The following HTT variants were observed in gnomAD, a reference collection of about 807,000 sequenced individuals.
HTT encodes huntingtin.
Under a neutral mutation model 362.3 loss-of-function variants are expected in HTT, and 104 were observed. The observed-to-expected ratio is 0.29, with a 90% CI of 0.24 to 0.34. HTT has a LOEUF of 0.34. Among genes scored for constraint, HTT ranks in the 10% least tolerant of loss-of-function variants. HTT has a pLI of 1.00. For missense variants in HTT, 3,301 were observed against 3,928.6 expected, an observed-to-expected ratio of 0.84 and a Z score of 4.27; for synonymous variants, 1,577 against 1,548.7, an observed-to-expected ratio of 1.02 and a Z score of -0.43.
chr4:3,118,537 G>A (rs1715139579), intron 8 of HTT, among the ~76,000 whole-genome samples: 1 of 152,196 alleles, frequency 6.6e-6, no homozygotes, highest in Non-Finnish European at 1.5e-5. Flanking sequence ...GAAAGGGTGA[G>A]ACAGTGCTCA....
intron 21 of HTT, among the ~76,000 whole-genome samples, chr4:3,140,112 T>C (rs895361013): frequency 1.3e-5 from 2 of 151,860 alleles, no homozygotes; most frequent in African/African-American, 4.8e-5. Context: ...ACTACAAAAA[T>C]TAGCCGGGCG....
chr4:3,083,547 ACACACACACACACACACACAC>A (rs1713032697), intron 1 of HTT, among the ~76,000 whole-genome samples: 1 of 129,006 alleles, frequency 7.8e-6, no homozygotes, highest in African/African-American at 3.6e-5. Flanking sequence ...ACACACACAC[ACACACACACACACACACACAC>A]ACACACACAC....
rs896129995 is a variant in HTT, at chr4:3,225,608, C to T, written c.7766-53C>T. 2.0e-6 allele frequency: 3 copies of T among 1,537,098 alleles called. No homozygotes were observed. In the East Asian group the frequency reaches 6.8e-5, roughly 35 times the overall value. ...GGAGCTGGGCTGGTATGGGGTGGGC[C>T]TGCGGCCCTGCCCCCCTGTGCAGAT... On this transcript the variant is annotated intron_variant, in intron 56 of 66. Coordinates refer to ENST00000355072, the MANE Select transcript of HTT (RefSeq NM_001388492.1).
At chr4:3,226,246 A>G (rs1025425454) in intron 57 of HTT, among the ~76,000 whole-genome samples, 1 of 152,148 alleles carries the variant, frequency 6.6e-6, no homozygotes, top group Non-Finnish European at 1.5e-5. Context: ...GTGCAGGCAG[A>G]CAGCTCGGCC....
chr4:3,173,364 C>T (rs1331012601), intron 31 of HTT: 1 of 543,034 alleles, frequency 1.8e-6, no homozygotes, highest in Non-Finnish European at 3.3e-6. Context: ...TTACACATCT[C>T]AGAGGTGGGG....
chr4:3,088,831 G>A (rs1460838354), intron 2 of HTT, among the ~76,000 whole-genome samples: 3 of 151,864 alleles, frequency 2.0e-5, no homozygotes, highest in Non-Finnish European at 2.9e-5. Flanking sequence ...TTCATTTTAG[G>A]TTAACTCATT....
chr4:3,177,286 A>G lies in HTT; in HGVS notation c.4408-46A>G, dbSNP rs771177933. The stretch of plus-strand genomic sequence containing the variant: ...GGAGGAAAAGAAGCCTGGTTTTTAC[A>G]TTTTAATCCTATTATTGATGTGAAA... On this transcript the variant is annotated intron_variant, in intron 33 of 66. Transcript: ENST00000355072. The G allele has an allele frequency of 4.5e-6, 6 of 1,330,972 alleles. No homozygotes were observed. In the African/African-American group the frequency reaches 8.8e-5, roughly 19 times the overall value. The allele number at this position is 1,330,972 out of a possible 1,614,324, so 82.4% of individuals were successfully genotyped here. A position where few individuals can be genotyped will look rare whatever the true frequency, so the allele number is the denominator to read the frequency against.
At chr4:3,128,713 C>T (rs1045647510) in intron 12 of HTT, 5 of 152,322 alleles carry the variant, frequency 3.3e-5, no homozygotes, top group African/African-American at 1.2e-4. Context: ...ATGTTTGCTA[C>T]AAGTCCATGT....
At chr4:3,101,085 G>T (rs747733559) in intron 3 of HTT, among the ~76,000 whole-genome samples, 36 of 152,312 alleles carry the variant, frequency 2.4e-4, no homozygotes, top group Middle Eastern at 3.4e-3. Flanking sequence ...TAAAAAGAGG[G>T]CTATCCCAGG....
chr4:3,138,676 C>T (rs1474086372), intron 21 of HTT, among the ~76,000 whole-genome samples: 2 of 152,080 alleles, frequency 1.3e-5, no homozygotes, highest in Non-Finnish European at 2.9e-5. Context: ...TGTGGTGGTG[C>T]GATCTCGGCT....
At chr4:3,135,789 A>T in intron 19 of HTT, 115 bp from the exon 20 acceptor site, 1 of 619,300 alleles carries the variant, frequency 1.6e-6, no homozygotes, top group Middle Eastern at 2.8e-4. Flanking sequence ...GTTTTGAGTA[A>T]GTGCTGCCCA....
chr4:3,122,120 TC>T (rs1487077445), intron 9 of HTT, among the ~76,000 whole-genome samples: 2 of 152,320 alleles, frequency 1.3e-5, no homozygotes, highest in Non-Finnish European at 1.5e-5. Flanking sequence ...AATCCGTCTG[TC>T]CCCAGCTCTG....
At chr4:3,150,160 G>A (rs1716806274) in intron 26 of HTT, among the ~76,000 whole-genome samples, 2 of 152,178 alleles carry the variant, frequency 1.3e-5, no homozygotes, top group Admixed American at 1.3e-4. Context: ...GGCCAGTGCT[G>A]TTCTAGAGAG....
At position 3,212,045 on chromosome 4, in the gene HTT, C is replaced by T. The variant is rs961220371; in HGVS notation, c.6531C>T (p.Ser2177=). 8 of 1,614,026 alleles carry T rather than the reference C, an allele frequency of 5.0e-6. No homozygotes were observed. The highest frequency in any genetic ancestry group is 1.3e-5 in the African/African-American group (1 of 74,908). ...GTGAGGTGACTCTGGCCCGTGTGAG[C>T]GGCACCGTGCAGCAGCTCCCTGCTG... ...AAREVTLARV[S]GTVQQLPAVH... Residue 2177 remains serine (S), a synonymous_variant, in exon 48 of 67, where the codon AGC becomes AGT. Transcript: ENST00000355072.
At chr4:3,078,782 T>C (rs1200106117) in intron 1 of HTT, among the ~76,000 whole-genome samples, 3 of 151,666 alleles carry the variant, frequency 2.0e-5, no homozygotes, top group Admixed American at 2.0e-4. Flanking sequence ...TCGCCCAGGC[T>C]GGAGTGCAGT....
chr4:3,094,646 C>T (rs1284090477), intron 2 of HTT, among the ~76,000 whole-genome samples: 12 of 121,616 alleles, frequency 9.9e-5, no homozygotes, highest in Admixed American at 2.3e-4. Context: ...ACCTCCCGGA[C>T]GGGGCGGGTG....
chr4:3,231,573 C>T (rs1441023428), intron 60 of HTT, among the ~76,000 whole-genome samples: 2 of 152,202 alleles, frequency 1.3e-5, no homozygotes, highest in African/African-American at 2.4e-5. Context: ...ACTCTGTCCT[C>T]CCCGAGCCCA....
At chr4:3,236,109 T>C in intron 63 of HTT, 40 bp from the exon 64 acceptor site, 1 of 1,395,774 alleles carries the variant, frequency 7.2e-7, no homozygotes, top group Non-Finnish European at 1.0e-6. Context: ...CCTATTGGGT[T>C]GTATAGAGGT....
intron 51 of HTT, 122 bp from the exon 52 acceptor site, chr4:3,217,643 A>C: frequency 1.3e-6 from 1 of 798,142 alleles, no homozygotes; most frequent in Non-Finnish European, 2.0e-6. Context: ...TCAGTGGCCA[A>C]CTCAGAGTCT....
Sources: gnomAD v4.1 joint callset for allele counts (sites outside exome capture counted in the v4.1 genomes callset) on GRCh38, gnomAD v4.1.1 for gene constraint, MANE v1.5 for transcripts, NCBI Gene and HGNC (gene_info 2026-07-23, HGNC 2026-07-21) for gene names.